Variants in ERC1 observed in about 807,000 individuals in gnomAD.
The protein encoded by ERC1 is ELKS/RAB6-interacting/CAST family member 1, also known as RAB6 interacting protein 2.
In ERC1, 56 loss-of-function variants were observed where a neutral mutation model predicts 132.0. The ratio of observed to expected loss-of-function variants is 0.42; its 90% confidence interval spans 0.34 to 0.53. The LOEUF (loss-of-function observed/expected upper bound fraction) is 0.53, where lower values mean the gene tolerates loss of function less well. Among genes scored for constraint, ERC1 ranks in the 20% least tolerant of loss-of-function variants. ERC1 has a pLI of 0.03. For missense variants in ERC1, 1,202 were observed against 1,349.9 expected, an observed-to-expected ratio of 0.89 and a Z score of 1.72; for synonymous variants, 478 against 476.1, an observed-to-expected ratio of 1.00 and a Z score of -0.05.
At chr12:1,165,553 G>GCCTCGGCCTCCCAAAGTGCTGGGATTA (rs779972674) in intron 8 of ERC1, among the ~76,000 whole-genome samples, 3 of 152,004 alleles carry the variant, frequency 2.0e-5, no homozygotes, top group Admixed American at 6.6e-5. Context: ...TGATCCACCC[G>GCCTCGGCCTCCCAAAGTGCTGGGATTA]CCTCGGCCTC....
intron 6 of ERC1, among the ~76,000 whole-genome samples, chr12:1,115,050 G>A (rs143155003): frequency 3.9e-5 from 6 of 152,110 alleles, no homozygotes; most frequent in Admixed American, 6.5e-5. Flanking sequence ...CAGTGACACC[G>A]AAATTACTGA....
intron 8 of ERC1, among the ~76,000 whole-genome samples, chr12:1,167,695 C>A (rs1952558741): frequency 6.7e-6 from 1 of 149,830 alleles, no homozygotes; most frequent in Non-Finnish European, 1.5e-5. Context: ...TCTATAAGAT[C>A]TTTGGGCTTC....
chr12:1,431,116 C>G (rs563933898), intron 17 of ERC1, among the ~76,000 whole-genome samples: 24 of 152,218 alleles, frequency 1.6e-4, no homozygotes, highest in African/African-American at 5.5e-4. Context: ...GTTCTATAAC[C>G]GCTCCGGGGA....
intron 18 of ERC1, among the ~76,000 whole-genome samples, chr12:1,476,679 A>G (rs539438033): frequency 5.3e-5 from 8 of 152,144 alleles, no homozygotes. Flanking sequence ...TTTCTTGCTT[A>G]TGGGCTGAAT....
At chr12:1,231,798 G>A (rs975716756) in intron 12 of ERC1, among the ~76,000 whole-genome samples, 3 of 152,062 alleles carry the variant, frequency 2.0e-5, no homozygotes, top group Non-Finnish European at 4.4e-5. Context: ...GGAGTGCAGT[G>A]GCATGTTCTT....
chr12:1,387,887 A>G (rs2089545306), intron 16 of ERC1, among the ~76,000 whole-genome samples: 1 of 152,240 alleles, frequency 6.6e-6, no homozygotes, highest in Non-Finnish European at 1.5e-5. Flanking sequence ...ATGTATGACA[A>G]GCTTGTTGCC....
intron 8 of ERC1, among the ~76,000 whole-genome samples, chr12:1,146,653 T>C (rs1330825029): frequency 6.6e-6 from 1 of 151,694 alleles, no homozygotes; most frequent in Non-Finnish European, 1.5e-5. Context: ...CTGTAAGTTC[T>C]AGGGTACATG....
At chr12:1,198,642 A>G (rs1267222183) in intron 12 of ERC1, among the ~76,000 whole-genome samples, 1 of 152,186 alleles carries the variant, frequency 6.6e-6, no homozygotes, top group Non-Finnish European at 1.5e-5. Flanking sequence ...TGGGTAATTT[A>G]TAAAGAAAAT....
chr12:998,723 G>A (rs1961476868), intron 1 of ERC1, among the ~76,000 whole-genome samples: 1 of 152,082 alleles, frequency 6.6e-6, no homozygotes, highest in African/African-American at 2.4e-5. Flanking sequence ...AGCCATTTCA[G>A]GACTGTCTAC....
chr12:1,373,667 A>C (rs1001913850), intron 16 of ERC1, among the ~76,000 whole-genome samples: 1 of 152,118 alleles, frequency 6.6e-6, no homozygotes, highest in Non-Finnish European at 1.5e-5. Context: ...GTAGTCCCAG[A>C]TACTTGGGAG....
chr12:1,383,902 A>G (rs2089010079), intron 16 of ERC1, among the ~76,000 whole-genome samples: 1 of 152,204 alleles, frequency 6.6e-6, no homozygotes, highest in African/African-American at 2.4e-5. Context: ...TACAGCCCTC[A>G]GAAGTGGAGT....
At chr12:1,105,818 C>G (rs1023436895) in intron 4 of ERC1, among the ~76,000 whole-genome samples, 1 of 152,038 alleles carries the variant, frequency 6.6e-6, no homozygotes, top group Non-Finnish European at 1.5e-5. Flanking sequence ...ATGCCATTGC[C>G]TTGATTTGTG....
At chr12:1,296,401 CTTTTTTTTTTTTTTTTTT>C (rs57458560) in intron 15 of ERC1, among the ~76,000 whole-genome samples, 1 of 76,206 alleles carries the variant, frequency 1.3e-5, no homozygotes, top group Non-Finnish European at 2.4e-5. Flanking sequence ...ATTGGATAGT[CTTTTTTTTTTTTTTTTTT>C]TTTTTTTTTT....
intron 18 of ERC1, among the ~76,000 whole-genome samples, chr12:1,458,472 GTGTA>G (rs920678479): frequency 1.3e-5 from 2 of 151,624 alleles, no homozygotes; most frequent in African/African-American, 4.8e-5. Flanking sequence ...ATTTCTCTGT[GTGTA>G]TGTGTGTTTA....
intron 8 of ERC1, among the ~76,000 whole-genome samples, chr12:1,168,565 A>G (rs892893389): frequency 2.7e-5 from 4 of 148,812 alleles, no homozygotes; most frequent in Non-Finnish European, 4.4e-5. Context: ...GCTCACTGCA[A>G]CCATCGCCTC....
rs537379247 is a variant in ERC1 at position 1,484,111 on chromosome 12, C to T, written c.3214-5982C>T. Among the ~76,000 whole-genome samples the T allele has an allele frequency of 2.4e-3, 369 of 151,466 alleles. 2 individuals carry two copies. The highest frequency in any genetic ancestry group is 7.9e-3 in the African/African-American group (327 of 41,254). On this transcript the variant is annotated intron_variant, in intron 18 of 18. Transcript: ENST00000360905. The stretch of plus-strand genomic sequence containing the variant: ...ACGAGGTCAGGAGATCAAGACCTTC[C>T]TGGCTAACATGGTGAAACCCCATCT...
intron 16 of ERC1, among the ~76,000 whole-genome samples, chr12:1,384,209 C>T (rs952025368): frequency 6.6e-6 from 1 of 152,174 alleles, no homozygotes; most frequent in African/African-American, 2.4e-5. Context: ...AGGACTGCCC[C>T]CAATTTTAAA....
chr12:1,316,886 A>G lies in ERC1; in HGVS notation c.2780+26874A>G, dbSNP rs190238075. On this transcript the variant is annotated intron_variant, in intron 15 of 18. Coordinates refer to ENST00000360905, the MANE Select transcript of ERC1 (RefSeq NM_178040.4). ...AAGAAAATGTGGCACGTGGCCAGGCATGGCGGCTCATGCCTGTAATCCCAG... is the reference window on the plus strand; with the variant it reads ...AAGAAAATGTGGCACGTGGCCAGGCGTGGCGGCTCATGCCTGTAATCCCAG... 3.9e-3 allele frequency among the ~76,000 whole-genome samples: 587 copies of G among 152,312 alleles called. 6 individuals carry two copies. Among genetic ancestry groups the G allele is most frequent in the African/African-American group, 0.014 (567 of 41,574 alleles).
intron 4 of ERC1, 95 bp from the exon 5 acceptor site, chr12:1,110,097 A>G (rs537232983): frequency 1.4e-5 from 15 of 1,074,684 alleles, no homozygotes; most frequent in South Asian, 1.3e-4. Context: ...ATATTTGTCT[A>G]TCTTTATTAA....
Sources: gnomAD v4.1 joint callset for allele counts (sites outside exome capture counted in the v4.1 genomes callset) on GRCh38, gnomAD v4.1.1 for gene constraint, MANE v1.5 for transcripts, NCBI Gene and HGNC (gene_info 2026-07-23, HGNC 2026-07-21) for gene names.